The following CAMKMT variants were observed in gnomAD, a reference collection of about 807,000 sequenced individuals.
The protein encoded by CAMKMT is calmodulin-lysine N-methyltransferase.
A neutral mutation model predicts 48.0 loss-of-function variants in CAMKMT; 53 were observed. The ratio of observed to expected loss-of-function variants is 1.10; its 90% confidence interval spans 0.89 to 1.39. The LOEUF is 1.39. Ranked by LOEUF, CAMKMT falls within the 40% of genes most tolerant of loss-of-function variation. CAMKMT has a pLI of 0.00. For missense variants in CAMKMT, 428 were observed against 402.7 expected, an observed-to-expected ratio of 1.06 and a Z score of -0.54; for synonymous variants, 165 against 152.3, an observed-to-expected ratio of 1.08 and a Z score of -0.61.
intron 3 of CAMKMT, among the ~76,000 whole-genome samples, chr2:44,580,375 A>C (rs577238762): frequency 2.6e-4 from 39 of 152,328 alleles, no homozygotes; most frequent in African/African-American, 9.1e-4. Flanking sequence ...AGTACAGAGA[A>C]AATTTACATA....
chr2:44,449,176 C>T (rs1052257762), intron 3 of CAMKMT, among the ~76,000 whole-genome samples: 2 of 152,104 alleles, frequency 1.3e-5, no homozygotes, highest in African/African-American at 2.4e-5. Context: ...TCAATCAGAT[C>T]GTTTTCCAAG....
chr2:44,585,686 T>A (rs76097553), intron 3 of CAMKMT, among the ~76,000 whole-genome samples: 2 of 152,238 alleles, frequency 1.3e-5, no homozygotes, highest in Non-Finnish European at 2.9e-5. Flanking sequence ...TTGTGTACTT[T>A]ATGAAGGGCT....
intron 3 of CAMKMT, among the ~76,000 whole-genome samples, chr2:44,478,755 C>T (rs1668817768): frequency 6.8e-6 from 1 of 146,464 alleles, no homozygotes; most frequent in Admixed American, 6.9e-5. Context: ...GGCTGGAGTG[C>T]AGTGGCACGA....
At chr2:44,733,966 A>G (rs892908900) in intron 7 of CAMKMT, among the ~76,000 whole-genome samples, 1 of 152,034 alleles carries the variant, frequency 6.6e-6, no homozygotes, top group African/African-American at 2.4e-5. Context: ...TTTTTTCCTG[A>G]TAAGTCAGGC....
At chr2:44,731,905 C>T (rs1679095892) in intron 7 of CAMKMT, among the ~76,000 whole-genome samples, 1 of 152,184 alleles carries the variant, frequency 6.6e-6, no homozygotes, top group African/African-American at 2.4e-5. Flanking sequence ...CTATACTATA[C>T]CTGTTAAACT....
At chr2:44,602,869 A>G (rs991273078) in intron 3 of CAMKMT, among the ~76,000 whole-genome samples, 1 of 152,082 alleles carries the variant, frequency 6.6e-6, no homozygotes, top group South Asian at 2.1e-4. Context: ...GTGGGGACAC[A>G]GAGACAAATC....
chr2:44,437,993 A>G (rs531209939), intron 3 of CAMKMT, among the ~76,000 whole-genome samples: 1 of 152,292 alleles, frequency 6.6e-6, no homozygotes, highest in Non-Finnish European at 1.5e-5. Flanking sequence ...AATAAAGTAA[A>G]AAATACAGAC....
intron 3 of CAMKMT, among the ~76,000 whole-genome samples, chr2:44,394,050 A>G (rs1282711911): frequency 6.6e-6 from 1 of 152,192 alleles, no homozygotes; most frequent in Non-Finnish European, 1.5e-5. Context: ...ATTCATTGGA[A>G]CATTTTAAGC....
At chr2:44,525,324 C>G (rs113772788) in intron 3 of CAMKMT, among the ~76,000 whole-genome samples, 2,132 of 152,030 alleles carry the variant, frequency 0.014, 39 homozygotes, top group African/African-American at 0.043. Flanking sequence ...GGTGTGATCT[C>G]AGCTCACTGC....
rs192392265 is a variant in CAMKMT at position 44,596,310 on chromosome 2, G to A, written c.377-107973G>A. Among the ~76,000 whole-genome samples the A allele has an allele frequency of 2.9e-3, 437 of 151,962 alleles. 1 individual carries two copies. Among genetic ancestry groups the A allele is most frequent in the African/African-American group, 7.9e-3 (326 of 41,478 alleles). On this transcript the variant is annotated intron_variant, in intron 3 of 10. Coordinates refer to ENST00000378494, the MANE Select transcript of CAMKMT (RefSeq NM_024766.5). ...CCAAAAAATACAAAAATTAGCTGGC[G>A]TGGTGGTATGTGCCTGTAGTCCCAG...
At chr2:44,714,573 C>G (rs551322742) in intron 6 of CAMKMT, among the ~76,000 whole-genome samples, 18 of 152,274 alleles carry the variant, frequency 1.2e-4, no homozygotes, top group African/African-American at 4.1e-4. Flanking sequence ...CAAGTGTCAT[C>G]CTGCTGCTCC....
chr2:44,659,238 T>C (rs1275294548), intron 3 of CAMKMT, among the ~76,000 whole-genome samples: 1 of 151,752 alleles, frequency 6.6e-6, no homozygotes, highest in Non-Finnish European at 1.5e-5. Context: ...TTAGGCAACA[T>C]AGTGAGACCT....
At chr2:44,620,706 ATATT>A (rs1192368775) in intron 3 of CAMKMT, among the ~76,000 whole-genome samples, 1 of 152,200 alleles carries the variant, frequency 6.6e-6, no homozygotes, top group African/African-American at 2.4e-5. Flanking sequence ...TCCTTACTCT[ATATT>A]TATTTATCTT....
chr2:44,571,350 T>C (rs1401802104), intron 3 of CAMKMT, among the ~76,000 whole-genome samples: 2 of 152,150 alleles, frequency 1.3e-5, no homozygotes, highest in East Asian at 3.9e-4. Flanking sequence ...AAGGAAAGAA[T>C]TTGTCCCATT....
At chr2:44,747,372 C>A (rs1201153451) in intron 8 of CAMKMT, among the ~76,000 whole-genome samples, 4 of 152,160 alleles carry the variant, frequency 2.6e-5, no homozygotes, top group African/African-American at 9.7e-5. Context: ...AGCTCCAAAT[C>A]ACAACTCACG....
chr2:44,734,535 C>T (rs1287965355), intron 7 of CAMKMT, among the ~76,000 whole-genome samples: 1 of 152,226 alleles, frequency 6.6e-6, no homozygotes, highest in South Asian at 2.1e-4. Flanking sequence ...CTGCTCCAGC[C>T]TCCTGAGTGG....
At chr2:44,770,791 G>C (rs938225099) in intron 10 of CAMKMT, among the ~76,000 whole-genome samples, 6 of 152,186 alleles carry the variant, frequency 3.9e-5, no homozygotes, top group Non-Finnish European at 8.8e-5. Flanking sequence ...TCGCTACTTT[G>C]GTAGCAGCAA....
chr2:44,564,476 A>G (rs1668503178), intron 3 of CAMKMT, among the ~76,000 whole-genome samples: 1 of 152,100 alleles, frequency 6.6e-6, no homozygotes, highest in African/African-American at 2.4e-5. Context: ...CACATGGCCT[A>G]GAACTTTTCT....
chr2:44,666,259 T>C (rs1674960577), intron 3 of CAMKMT, among the ~76,000 whole-genome samples: 2 of 152,196 alleles, frequency 1.3e-5, no homozygotes, highest in Admixed American at 1.3e-4. Flanking sequence ...TTTCAGACAG[T>C]TTCATCAAGT....
Sources: allele counts gnomAD v4.1 joint callset (sites outside exome capture counted in the v4.1 genomes callset), GRCh38; gene constraint gnomAD v4.1.1; transcripts MANE v1.5; gene names NCBI Gene and HGNC (gene_info 2026-07-23, HGNC 2026-07-21).